Variants in IGF2R observed in about 807,000 individuals in gnomAD.
IGF2R encodes the protein cation-independent mannose-6-phosphate receptor.
Under a neutral mutation model 270.6 loss-of-function variants are expected in IGF2R, and 91 were observed. The ratio of observed to expected loss-of-function variants is 0.34; its 90% CI spans 0.28 to 0.40. IGF2R has a LOEUF of 0.40. Among genes scored for constraint, IGF2R ranks in the 10% least tolerant of loss-of-function variants. The pLI is 1.00. For missense variants in IGF2R, 2,805 were observed against 3,188.3 expected (o/e 0.88, Z 2.90); for synonymous variants, 1,316 against 1,258.9 (o/e 1.05, Z -0.96).
intron 1 of IGF2R, among the ~76,000 whole-genome samples, chr6:159,989,945 A>C (rs1409687212): frequency 6.6e-6 from 1 of 152,212 alleles, no homozygotes; most frequent in African/African-American, 2.4e-5. Context: ...ATAACTCACT[A>C]TCTGCTTTGC....
intron 47 of IGF2R, 76 bp downstream of exon 47, chr6:160,103,891 CAG>C: frequency 2.0e-6 from 2 of 997,918 alleles, no homozygotes; most frequent in South Asian, 1.3e-5. Flanking sequence ...TCGTTCTCAT[CAG>C]GGGTGCCAAG....
rs773891331 is a variant in IGF2R at position 160,009,104 on chromosome 6, C to T, written c.384C>T (p.Ser128=). Residue 128 remains serine, a synonymous_variant, in exon 3 of 48, where the codon AGC becomes AGT. Coordinates refer to ENST00000356956, the MANE Select transcript of IGF2R (RefSeq NM_000876.4). ...AAGGCACAAATCACAGAGTCCAGAG[C>T]AGCATTGCCTTCCTGTGTGGGAAAA... ...DQQGTNHRVQ[S]SIAFLCGKTL... The T allele has an allele frequency of 1.2e-6, 2 of 1,613,804 alleles. No individual in the cohort carries two copies.
At chr6:160,067,308 C>T (rs573484829) in intron 29 of IGF2R, among the ~76,000 whole-genome samples, 1 of 152,084 alleles carries the variant, frequency 6.6e-6, no homozygotes, top group South Asian at 2.1e-4. Flanking sequence ...ATTCACAGGT[C>T]CCCTTCTCGG....
chr6:160,085,279 T>G (rs1779075738), intron 41 of IGF2R, 148 bp downstream of exon 41: 2 of 763,280 alleles, frequency 2.6e-6, no homozygotes, highest in Non-Finnish European at 4.2e-6. Context: ...ACAGGCATTT[T>G]GGCTCTCCTG....
chr6:160,063,774 G>A (rs554133845), intron 27 of IGF2R, 144 bp downstream of exon 27: 16 of 663,086 alleles, frequency 2.4e-5, no homozygotes, highest in Admixed American at 3.0e-5. Context: ...ATGATATTTC[G>A]GATTTTGCTT....
intron 23 of IGF2R, 115 bp from the exon 24 acceptor site, chr6:160,061,388 C>G (rs1391939724): frequency 1.1e-6 from 1 of 920,204 alleles, no homozygotes; most frequent in Admixed American, 2.2e-5. Flanking sequence ...TCCTTATCCT[C>G]ACAGTTAGGA....
intron 18 of IGF2R, among the ~76,000 whole-genome samples, chr6:160,049,426 A>G (rs1778145229): frequency 6.6e-6 from 1 of 152,226 alleles, no homozygotes; most frequent in South Asian, 2.1e-4. Flanking sequence ...GAACAGGGGG[A>G]CACTCTGGCC....
intron 10 of IGF2R, among the ~76,000 whole-genome samples, chr6:160,037,613 CT>C (rs1334130911): frequency 1.3e-5 from 2 of 152,028 alleles, no homozygotes; most frequent in African/African-American, 4.8e-5. Flanking sequence ...CAGTTTAAAT[CT>C]AGTTTGTTGT....
intron 36 of IGF2R, among the ~76,000 whole-genome samples, chr6:160,076,360 C>T (rs1359121693): frequency 6.6e-6 from 1 of 152,156 alleles, no homozygotes; most frequent in Non-Finnish European, 1.5e-5. Flanking sequence ...GCTATAGTCA[C>T]TCAGGACATA....
intron 39 of IGF2R, among the ~76,000 whole-genome samples, chr6:160,081,334 C>T (rs541504394): frequency 2.0e-5 from 3 of 152,074 alleles, no homozygotes; most frequent in Admixed American, 1.3e-4. Flanking sequence ...GCCCCCGAGC[C>T]GCAAAACCAG....
In IGF2R at chr6:160,084,081, C is replaced by T; in HGVS notation, c.5965C>T (p.Pro1989Ser). 6.2e-7 allele frequency: 1 copy of T among 1,614,146 alleles called. No homozygotes were observed. The change falls in exon 40 of 48, where the codon CCA becomes TCA. Residue 1989 changes from proline to serine, a missense_variant. This residue lies in a region of IGF2R where 1,851 missense variants were observed against 2,207.2 expected (regional missense o/e 0.84). Transcript: ENST00000356956. This position sits in a 1 kb window ranked among gnomAD's most constrained non-coding sequence, Gnocchi z 4.6. ...GTGGAAAACAAAAGTTGTCTGCCCTCCAAAGAAGTTGGAGTGCAAATTCGT... is the reference window on the plus strand; with the variant it reads ...GTGGAAAACAAAAGTTGTCTGCCCTTCAAAGAAGTTGGAGTGCAAATTCGT... ...FEWKTKVVCP[P>S]KKLECKFVQK...
At chr6:159,979,201 A>C (rs1380523113) in intron 1 of IGF2R, among the ~76,000 whole-genome samples, 2 of 152,184 alleles carry the variant, frequency 1.3e-5, no homozygotes, top group East Asian at 1.9e-4. Context: ...ACTTGTTGCT[A>C]TCTGCATGGT....
At chr6:160,062,668 A>AGAC in intron 26 of IGF2R, 49 bp downstream of exon 26, 1 of 1,364,206 alleles carries the variant, frequency 7.3e-7, no homozygotes, top group African/African-American at 1.4e-5. Context: ...ATAGAGTAGC[A>AGAC]GACGTTCTGA....
At chr6:160,069,071 G>T (rs1778656033) in intron 30 of IGF2R, among the ~76,000 whole-genome samples, 1 of 151,804 alleles carries the variant, frequency 6.6e-6, no homozygotes, top group East Asian at 1.9e-4. Context: ...AGGTCTTGGT[G>T]TGTGCCTGCG....
At chr6:160,009,170 A>G (rs758629084) in intron 3 of IGF2R, 36 bp downstream of exon 3, 1 of 1,579,636 alleles carries the variant, frequency 6.3e-7, no homozygotes, top group South Asian at 1.2e-5. Context: ...ATTTCTTTAA[A>G]AAAAAAAAGG....
rs1216851402 is a variant in IGF2R at position 160,094,011 on chromosome 6, A to C, written c.6656-2428A>C. 11 of 637,968 alleles carry C rather than the reference A, an allele frequency of 1.7e-5. No homozygotes were observed. The East Asian group carries it at 4.2e-4, about 24-fold the overall frequency. 39.5% of individuals were successfully genotyped at this position (637,968 alleles called of 1,614,324 possible). ...TTCTTCACTAAAGGACAGACAGCAA[A>C]CTATTCCTTGCAGTCTAGTATTTAA... On this transcript the variant is annotated intron_variant, in intron 44 of 47. Transcript: ENST00000356956.
Position 160,073,231 on chromosome 6 carries a change from C to T in IGF2R, c.4709C>T (p.Thr1570Ile), listed in dbSNP as rs1027911466. The change falls in exon 34 of 48, where the codon ACC becomes ATC. Residue 1570 changes from threonine (T) to isoleucine (I), a missense_variant. This residue lies in a region of IGF2R where 1,851 missense variants were observed against 2,207.2 expected (regional missense o/e 0.84). Transcript: ENST00000356956. ...PPGVGACFGQ[T>I]RISVGKANKR... ...GGTGCAGGGGCCTGCTTTGGACAGACCAGGATTAGCGTGGGCAAGGCCAAC... is the reference window on the plus strand; with the variant it reads ...GGTGCAGGGGCCTGCTTTGGACAGATCAGGATTAGCGTGGGCAAGGCCAAC... The T allele has an allele frequency of 1.9e-6, 3 of 1,614,106 alleles. No individual in the cohort carries two copies. The Admixed American group carries it at 5.0e-5, about 27-fold the overall frequency.
rs1374035109 is a variant in IGF2R, at chr6:160,047,305, G to A, written c.2198G>A (p.Arg733Gln). 5.0e-6 allele frequency: 8 copies of A among 1,604,860 alleles called. No homozygotes were observed. The highest frequency in any genetic ancestry group is 2.7e-5 in the African/African-American group (2 of 74,504). Residue 733 changes from arginine (R) to glutamine (Q), a missense_variant, in exon 16 of 48, where the codon CGA becomes CAA. Physicochemically the swap from Arg to Gln is conservative, Grantham distance 43 (BLOSUM62 1). Around this residue, in one of 2 missense-constraint regions of IGF2R, gnomAD observed 954 missense variants for 981.1 expected, o/e 0.97. Transcript: ENST00000356956. ...ACGCTCATCACCTTTCTCTGTGATC[G>A]AGACGCGGGAGTGGGCTTCCCTGAA... ...RATLITFLCD[R>Q]DAGVGFPEYQ... is the part of the protein sequence containing the mutation.
rs1322895173 is a variant in IGF2R, at chr6:160,106,360, A to G, written c.*1276A>G. ...CTTTTCTCGCATTGTAGAATTGTAT[A>G]TAGACTCTGGTGTTCTATTGCTGAG... On this transcript the variant is annotated 3_prime_UTR_variant, in exon 48 of 48. Coordinates refer to ENST00000356956, the MANE Select transcript of IGF2R (RefSeq NM_000876.4). 1 of 152,644 alleles carries G rather than the reference A, an allele frequency of 6.6e-6. No individual in the cohort carries two copies. The highest frequency in any genetic ancestry group is 1.9e-4 in the East Asian group (1 of 5,190). 9.5% of individuals were successfully genotyped at this position (152,644 alleles called of 1,614,324 possible). A position where few individuals can be genotyped will look rare whatever the true frequency, so the allele number is the denominator to read the frequency against.
Sources: allele counts gnomAD v4.1 joint callset (sites outside exome capture counted in the v4.1 genomes callset), GRCh38; gene constraint gnomAD v4.1.1; regional missense constraint gnomAD v4.1.1; non-coding constraint Gnocchi (gnomAD v3.1); transcripts MANE v1.5; gene names NCBI Gene and HGNC (gene_info 2026-07-23, HGNC 2026-07-21).